Variants in OGDH observed in about 807,000 individuals in gnomAD.
OGDH encodes the protein oxoglutarate dehydrogenase, also known as 2-oxoglutarate dehydrogenase complex component E1.
A neutral mutation model predicts 116.6 loss-of-function variants in OGDH; 38 were observed. That is an observed-to-expected ratio of 0.33 (90% CI 0.25 to 0.43). The LOEUF is 0.43. Among genes scored for constraint, OGDH ranks in the 20% least tolerant of loss-of-function variants. The pLI is 1.00. For missense variants in OGDH, 825 were observed against 1,357.2 expected (o/e 0.61, Z 6.16); for synonymous variants, 488 against 533.3 (o/e 0.92, Z 1.17).
chr7:44,638,390 T>A (rs530621958), intron 2 of OGDH, among the ~76,000 whole-genome samples: 44 of 152,282 alleles, frequency 2.9e-4, no homozygotes, highest in African/African-American at 9.4e-4. Context: ...TTCTCATGAG[T>A]GAAAAACTGT....
chr7:44,644,250 T>G (rs1786075507), intron 2 of OGDH, among the ~76,000 whole-genome samples: 1 of 152,250 alleles, frequency 6.6e-6, no homozygotes. Flanking sequence ...CTTTTCTTTT[T>G]ACAATGAACT....
chr7:44,656,222 T>C (rs1786684383), intron 4 of OGDH: 7 of 1,156,600 alleles, frequency 6.1e-6, no homozygotes, highest in Non-Finnish European at 8.7e-6. Context: ...ACTGTGGTAA[T>C]GGTGTAGGGT....
In OGDH at chr7:44,680,922, AT is replaced by A. The variant is rs201528964; in HGVS notation, c.1207-796del. Among the ~76,000 whole-genome samples, 457 of 152,366 alleles carry A rather than the reference AT, an allele frequency of 3.0e-3. 1 individual carries two copies. Among genetic ancestry groups the A allele is most frequent in the Non-Finnish European group, 5.4e-3 (370 of 68,042 alleles). ...TGTGAGCATTAAAATAACTAACAAT[AT>A]TAATGCAACCTGTCGAATAAAATAG... On this transcript the variant is annotated intron_variant, in intron 9 of 22. Coordinates refer to ENST00000222673, the MANE Select transcript of OGDH (RefSeq NM_002541.4).
rs763057717 is a variant in OGDH at position 44,693,938 on chromosome 7, C to G, written c.1449C>G (p.Val483=). The G allele has an allele frequency of 5.6e-6, 9 of 1,614,196 alleles. No individual in the cohort carries two copies. The South Asian group carries it at 9.9e-5, about 18-fold the overall frequency. ...TGAACTCAGATGACCCCGAGGCTGTCATGTACGTGTGCAAAGTGGCGGCCG... is the reference window on the plus strand; with the variant it reads ...TGAACTCAGATGACCCCGAGGCTGTGATGTACGTGTGCAAAGTGGCGGCCG... ...FHVNSDDPEA[V]MYVCKVAAEW... Residue 483 remains valine, a synonymous_variant, in exon 11 of 23, where the codon GTC becomes GTG. Transcript: ENST00000222673.
At chr7:44,699,940 C>G (rs1202830564) in intron 18 of OGDH, among the ~76,000 whole-genome samples, 1 of 152,170 alleles carries the variant, frequency 6.6e-6, no homozygotes, top group Non-Finnish European at 1.5e-5. Context: ...AGAGTGAGAG[C>G]TCACTCATCA....
At chr7:44,634,159 G>T (rs1785564822) in intron 2 of OGDH, among the ~76,000 whole-genome samples, 1 of 152,236 alleles carries the variant, frequency 6.6e-6, no homozygotes, top group Non-Finnish European at 1.5e-5. Flanking sequence ...TGTGCTGGCT[G>T]TTCACTGGGC....
chr7:44,615,106 C>T (rs982165650), intron 1 of OGDH, among the ~76,000 whole-genome samples: 1 of 152,202 alleles, frequency 6.6e-6, no homozygotes, highest in African/African-American at 2.4e-5. Flanking sequence ...GCTGGGATTA[C>T]AGGTATGAGC....
intron 1 of OGDH, among the ~76,000 whole-genome samples, chr7:44,607,588 C>G (rs2117189039): frequency 6.6e-6 from 1 of 152,326 alleles, no homozygotes; most frequent in African/African-American, 2.4e-5. Context: ...TTGCAACAGT[C>G]AAACTGTACT....
chr7:44,681,269 T>C (rs1787918654), intron 9 of OGDH, among the ~76,000 whole-genome samples: 1 of 152,216 alleles, frequency 6.6e-6, no homozygotes, highest in Non-Finnish European at 1.5e-5. Context: ...TGATGCAGTA[T>C]GTCCTTCCCA....
At chr7:44,626,102 A>G (rs1785191146) in intron 2 of OGDH, among the ~76,000 whole-genome samples, 1 of 152,064 alleles carries the variant, frequency 6.6e-6, no homozygotes, top group Non-Finnish European at 1.5e-5. Context: ...CCCTGTTTCC[A>G]TGGCAACCTG....
At chr7:44,670,889 T>C (rs12672046) in intron 5 of OGDH, among the ~76,000 whole-genome samples, 6,433 of 151,128 alleles carry the variant, frequency 0.043, 177 homozygotes, top group East Asian at 0.087. Flanking sequence ...CGGGCACCTG[T>C]AGTCCCAACT....
Position 44,631,722 on chromosome 7 carries a change from G to A in OGDH, c.222+7157G>A, listed in dbSNP as rs9690105. 7.0e-3 allele frequency among the ~76,000 whole-genome samples: 1,069 copies of A among 152,296 alleles called. 20 individuals carry two copies. Among genetic ancestry groups the A allele is most frequent in the African/African-American group, 0.024 (1,017 of 41,540 alleles). On this transcript the variant is annotated intron_variant, in intron 2 of 22. Transcript: ENST00000222673. ...TCGAAGCTTGTGCTGAGTGGCGGCTGCAAGAGGAAAAGCAGTCTTGCCCTG... is the reference window on the plus strand; with the variant it reads ...TCGAAGCTTGTGCTGAGTGGCGGCTACAAGAGGAAAAGCAGTCTTGCCCTG...
chr7:44,669,288 A>G (rs1183390901), intron 5 of OGDH, among the ~76,000 whole-genome samples: 1 of 151,366 alleles, frequency 6.6e-6, no homozygotes, highest in Non-Finnish European at 1.5e-5. Flanking sequence ...AGTAGCTGGG[A>G]CTATAGGAGC....
chr7:44,701,754 G>A, intron 20 of OGDH, 139 bp downstream of exon 20: 1 of 814,520 alleles, frequency 1.2e-6, no homozygotes, highest in Admixed American at 2.1e-5. Flanking sequence ...AAAGACCCGT[G>A]ATACATGGCT....
At chr7:44,655,266 A>C (rs1364723839) in intron 4 of OGDH, among the ~76,000 whole-genome samples, 1 of 151,944 alleles carries the variant, frequency 6.6e-6, no homozygotes, top group Non-Finnish European at 1.5e-5. Context: ...GAAGGAGAAA[A>C]TTTAAGATTC....
intron 4 of OGDH, among the ~76,000 whole-genome samples, chr7:44,663,607 A>C (rs1171307141): frequency 6.6e-6 from 1 of 152,200 alleles, no homozygotes; most frequent in Non-Finnish European, 1.5e-5. Flanking sequence ...CGTCGCTACT[A>C]AAAATACAAA....
intron 1 of OGDH, among the ~76,000 whole-genome samples, chr7:44,615,611 C>G (rs964218086): frequency 2.0e-5 from 3 of 152,180 alleles, no homozygotes; most frequent in African/African-American, 4.8e-5. Context: ...TCTTGCTGCT[C>G]TTTTCCTGGT....
At chr7:44,674,800 T>TA (rs1787617192) in intron 7 of OGDH, 2 of 564,054 alleles carry the variant, frequency 3.5e-6, no homozygotes, top group African/African-American at 3.8e-5. Context: ...CATTTGGCCT[T>TA]ACAGTGCATC....
intron 4 of OGDH, among the ~76,000 whole-genome samples, chr7:44,663,759 G>A (rs1787053999): frequency 6.6e-6 from 1 of 152,126 alleles, no homozygotes; most frequent in Non-Finnish European, 1.5e-5. Flanking sequence ...GGGCAACAGA[G>A]CGAGATGCTA....
Sources: allele counts gnomAD v4.1 joint callset (sites outside exome capture counted in the v4.1 genomes callset), GRCh38; gene constraint gnomAD v4.1.1; transcripts MANE v1.5; gene names NCBI Gene and HGNC (gene_info 2026-07-23, HGNC 2026-07-21).